The following NT5E variants were observed in gnomAD, a reference collection of about 807,000 sequenced individuals.
NT5E encodes 5'-nucleotidase.
NT5E carries 53 observed loss-of-function variants against 55.1 expected under a neutral mutation model. The ratio of observed to expected loss-of-function variants is 0.96; its 90% confidence interval spans 0.77 to 1.21. The LOEUF is 1.21. NT5E is among the 50% of genes most tolerant of loss of function. The pLI is 0.00. For synonymous variants in NT5E, 270 were observed against 278.4 expected (o/e 0.97, Z 0.30); for missense variants, 683 against 724.3 (o/e 0.94, Z 0.65).
chr6:85,493,822 A>G lies in NT5E; in HGVS notation c.1562-19A>G. 2 of 1,597,422 alleles carry G rather than the reference A, an allele frequency of 1.3e-6. No homozygotes were observed. The highest frequency in any genetic ancestry group is 2.2e-5 in the South Asian group (2 of 90,568). ...TAATTACCTTTTCTGTAGTTAAAAT[A>G]ATGTATATGTTTTTCTAGGTGACCA... On this transcript the variant is annotated intron_variant, in intron 8 of 8. Transcript: ENST00000257770.
intron 1 of NT5E, among the ~76,000 whole-genome samples, chr6:85,453,303 A>G (rs914991932): frequency 1.3e-5 from 2 of 152,074 alleles, no homozygotes; most frequent in Admixed American, 1.3e-4. Flanking sequence ...CATCTTGCAG[A>G]GGTTTTGTGA....
At chr6:85,463,572 G>A (rs1158257524) in intron 1 of NT5E, among the ~76,000 whole-genome samples, 1 of 152,194 alleles carries the variant, frequency 6.6e-6, no homozygotes, top group Non-Finnish European at 1.5e-5. Flanking sequence ...AAAAAAGGTG[G>A]AATAAGATTA....
At chr6:85,487,576 G>T in intron 5 of NT5E, 87 bp downstream of exon 5, 1 of 1,516,332 alleles carries the variant, frequency 6.6e-7, no homozygotes, top group Non-Finnish European at 9.1e-7. Flanking sequence ...GGGATAGATC[G>T]ATAGCTACAG....
At position 85,487,379 on chromosome 6, in the gene NT5E, G is replaced by T; in HGVS notation, c.994G>T (p.Asp332Tyr). 1 of 1,613,664 alleles carries T rather than the reference G, an allele frequency of 6.2e-7. No individual in the cohort carries two copies. The highest frequency in any genetic ancestry group is 1.1e-5 in the South Asian group (1 of 91,074). Residue 332 changes from aspartate to tyrosine, a missense_variant, in exon 5 of 9, where the codon GAT becomes TAT. Physicochemically the swap from Asp to Tyr is radical, Grantham distance 160. Transcript: ENST00000257770. ...CATTAACAAATGGAGGATAAAATTG[G>T]ATAATTATTCTACCCAGGAATTAGG... ...ADINKWRIKL[D>Y]NYSTQELGKT...
At chr6:85,493,685 A>T (rs1338184132) in intron 8 of NT5E, among the ~76,000 whole-genome samples, 156 bp from the exon 9 acceptor site, 1 of 152,168 alleles carries the variant, frequency 6.6e-6, no homozygotes, top group East Asian at 1.9e-4. Flanking sequence ...AAAAGCAATC[A>T]AATTCTTTGT....
rs1769626488 is a variant in NT5E at position 85,485,279 on chromosome 6, A to G, written c.796A>G (p.Ile266Val). 1 of 1,614,172 alleles carries G rather than the reference A, an allele frequency of 6.2e-7. No individual in the cohort carries two copies. Among genetic ancestry groups the G allele is most frequent in the Non-Finnish European group, 8.5e-7 (1 of 1,180,010 alleles). The stretch of plus-strand genomic sequence containing the variant: ...GGTGCCTGCTGGGAAGTACCCATTC[A>G]TAGTCACTTCTGATGATGGGCGGAA... The part of the protein sequence containing the change: ...KEVPAGKYPF[I>V]VTSDDGRKVP... Residue 266 changes from isoleucine (I) to valine (V), a missense_variant, in exon 4 of 9, where the codon ATA (isoleucine) becomes GTA (valine). Physicochemically the swap from Ile to Val is conservative, Grantham distance 29. Coordinates refer to ENST00000257770, the MANE Select transcript of NT5E (RefSeq NM_002526.4).
At chr6:85,453,473 C>T (rs1244896548) in intron 1 of NT5E, among the ~76,000 whole-genome samples, 1 of 152,158 alleles carries the variant, frequency 6.6e-6, no homozygotes. Flanking sequence ...TGCCCTCTAC[C>T]ATCTTACCTA....
At chr6:85,462,524 G>A (rs892298995) in intron 1 of NT5E, among the ~76,000 whole-genome samples, 1 of 152,192 alleles carries the variant, frequency 6.6e-6, no homozygotes, top group Non-Finnish European at 1.5e-5. Flanking sequence ...GCAGACGTCT[G>A]TCTCTGGTGT....
intron 6 of NT5E, 84 bp from the exon 7 acceptor site, chr6:85,490,424 C>A (rs1164927692): frequency 1.4e-6 from 2 of 1,480,764 alleles, no homozygotes; most frequent in South Asian, 1.1e-5. Context: ...CTCATTTCTT[C>A]CCCCAGCGCT....
At chr6:85,478,750 A>C (rs1769485480) in intron 3 of NT5E, among the ~76,000 whole-genome samples, 2 of 151,056 alleles carry the variant, frequency 1.3e-5, no homozygotes, top group Non-Finnish European at 2.9e-5. Flanking sequence ...TATATATAGA[A>C]AGAATATTAG....
chr6:85,471,513 A>G (rs1769308011), intron 3 of NT5E, 88 bp downstream of exon 3: 1 of 989,828 alleles, frequency 1.0e-6, no homozygotes, highest in Admixed American at 2.0e-5. Flanking sequence ...TACTCTTTTT[A>G]CTGCTATTTA....
At chr6:85,486,353 T>C (rs1234309233) in intron 4 of NT5E, among the ~76,000 whole-genome samples, 3 of 152,146 alleles carry the variant, frequency 2.0e-5, no homozygotes, top group Admixed American at 1.3e-4. Flanking sequence ...AAATAATCCA[T>C]GGAAACAGGA....
chr6:85,489,661 A>G lies in NT5E; in HGVS notation c.1210+62A>G, dbSNP rs1319085332. On this transcript the variant is annotated intron_variant, in intron 6 of 8. Transcript: ENST00000257770. ...TCTCTCTCTGATCTCCTTTTCTGTT[A>G]TGGTTCTTGCCCTGAACACACCCAT... The G allele has an allele frequency of 7.1e-6, 9 of 1,258,944 alleles. No individual in the cohort carries two copies. In the East Asian group the frequency reaches 7.2e-5, roughly 10 times the overall value. The allele number at this position is 1,258,944 out of a possible 1,614,324, so 78.0% of individuals were successfully genotyped here. A position where few individuals can be genotyped will look rare whatever the true frequency, so the allele number is the denominator to read the frequency against.
chr6:85,458,614 C>A (rs1400156990), intron 1 of NT5E, among the ~76,000 whole-genome samples: 1 of 152,180 alleles, frequency 6.6e-6, no homozygotes, highest in African/African-American at 2.4e-5. Flanking sequence ...TTTTCCTCAG[C>A]CACATAATCG....
chr6:85,487,556 G>A, intron 5 of NT5E, 67 bp downstream of exon 5: 1 of 1,575,274 alleles, frequency 6.3e-7, no homozygotes, highest in Non-Finnish European at 8.7e-7. Context: ...AGGAAGGAAG[G>A]ATGCGAGAAG....
chr6:85,456,805 G>A (rs149746578), intron 1 of NT5E, among the ~76,000 whole-genome samples: 4 of 152,292 alleles, frequency 2.6e-5, no homozygotes, highest in South Asian at 2.1e-4. Flanking sequence ...GGGAGTAAAC[G>A]TGGGGGTGAG....
intron 3 of NT5E, among the ~76,000 whole-genome samples, chr6:85,473,766 T>G (rs187548232): frequency 2.6e-5 from 4 of 152,234 alleles, no homozygotes; most frequent in Admixed American, 2.6e-4. Flanking sequence ...TCTTGTACTG[T>G]AGTTAATCCA....
rs116760526 is a variant in NT5E, at chr6:85,462,058, C to T, written c.340-5002C>T. On this transcript the variant is annotated intron_variant, in intron 1 of 8. Coordinates refer to ENST00000257770, the MANE Select transcript of NT5E (RefSeq NM_002526.4). ...CCATCCTCTCTCCTGCCCGTGCCCT[C>T]ATGCCCAGCCAGCTGAATATTCCTG... Among the ~76,000 whole-genome samples, 1,327 of 152,264 alleles carry T rather than the reference C, an allele frequency of 8.7e-3. 16 individuals are homozygous for T. The highest frequency in any genetic ancestry group is 0.03 in the African/African-American group (1,242 of 41,536).
intron 5 of NT5E, 97 bp from the exon 6 acceptor site, chr6:85,489,397 C>T: frequency 1.2e-6 from 1 of 817,458 alleles, no homozygotes; most frequent in Non-Finnish European, 2.1e-6. Context: ...AGGTGAAAAG[C>T]AGCTTTATTT....
Sources: gnomAD v4.1 joint callset for allele counts (sites outside exome capture counted in the v4.1 genomes callset) on GRCh38, gnomAD v4.1.1 for gene constraint, MANE v1.5 for transcripts, NCBI Gene and HGNC (gene_info 2026-07-23, HGNC 2026-07-21) for gene names.